SMAD2: variants seen among roughly 807,000 people sequenced by gnomAD.
The protein encoded by SMAD2 is SMAD family member 2, also known as MAD homolog 2.
SMAD2 carries 8 observed loss-of-function variants against 64.4 expected under a neutral mutation model. The ratio of observed to expected loss-of-function variants is 0.12; its 90% CI spans 0.07 to 0.22. SMAD2 has a LOEUF of 0.22. Ranked by LOEUF, SMAD2 falls within the 10% of genes least tolerant of loss-of-function variation. The pLI is 1.00. For missense variants in SMAD2, 289 were observed against 561.2 expected, an observed-to-expected ratio of 0.51 and a Z score of 4.90; for synonymous variants, 203 against 195.8, an observed-to-expected ratio of 1.04 and a Z score of -0.31.
chr18:47,845,441 A>C lies in SMAD2; in HGVS notation c.1179T>G (p.Leu393=). 1 of 1,613,800 alleles carries C rather than the reference A, an allele frequency of 6.2e-7. No homozygotes were observed. The highest frequency in any genetic ancestry group is 8.5e-7 in the Non-Finnish European group (1 of 1,179,690). ...AACCCTGATTAACAGACTGAGCCAG[A>C]AGAGCAGCAAATTCCTGGTTGTTGA... ...KIFNNQEFAA[L]LAQSVNQGFE... Residue 393 remains leucine (L), a synonymous_variant, in exon 10 of 11, where the codon CTT becomes CTG. Coordinates refer to ENST00000262160, the MANE Select transcript of SMAD2 (RefSeq NM_005901.6).
intron 1 of SMAD2, among the ~76,000 whole-genome samples, chr18:47,897,282 A>G (rs998074538): frequency 6.6e-6 from 1 of 152,256 alleles, no homozygotes; most frequent in African/African-American, 2.4e-5. Flanking sequence ...GAAAATGCGT[A>G]AAGTGTGAAG....
Position 47,837,038 on chromosome 18 carries a change from C to T in SMAD2, c.*4789G>A, listed in dbSNP as rs184005304. On this transcript the variant is annotated 3_prime_UTR_variant, in exon 11 of 11. Coordinates refer to ENST00000262160, the MANE Select transcript of SMAD2 (RefSeq NM_005901.6). The stretch of plus-strand genomic sequence containing the variant: ...TGGAAATCTGGTATCGTAGGGAAAA[C>T]ATTGGCTGCAACTGTCAGAAAAGTT... 4.8e-5 allele frequency: 10 copies of T among 210,060 alleles called. No homozygotes were observed. The highest frequency in any genetic ancestry group is 8.7e-5 in the Non-Finnish European group (9 of 103,242). 13.0% of individuals were successfully genotyped at this position (210,060 alleles called of 1,614,324 possible).
At chr18:47,852,157 CTGAT>C (rs1429105579) in intron 6 of SMAD2, among the ~76,000 whole-genome samples, 5 of 152,112 alleles carry the variant, frequency 3.3e-5, no homozygotes, top group Admixed American at 6.5e-5. Context: ...CATTTTCTTA[CTGAT>C]TGTTTGAAAG....
At chr18:47,857,263 A>G (rs1211022393) in intron 6 of SMAD2, among the ~76,000 whole-genome samples, 2 of 152,338 alleles carry the variant, frequency 1.3e-5, no homozygotes, top group Admixed American at 1.3e-4. Context: ...TCCCTGCCAA[A>G]GTGATACAAC....
intron 2 of SMAD2, among the ~76,000 whole-genome samples, chr18:47,896,305 A>G (rs1488546127): frequency 6.6e-6 from 1 of 152,260 alleles, no homozygotes; most frequent in African/African-American, 2.4e-5. Context: ...TGAAGATAAT[A>G]AATCTAAGTA....
At chr18:47,877,374 T>C (rs2032326093) in intron 2 of SMAD2, among the ~76,000 whole-genome samples, 1 of 152,132 alleles carries the variant, frequency 6.6e-6, no homozygotes. Context: ...TCCATAATTA[T>C]TTCTACTTAA....
intron 1 of SMAD2, among the ~76,000 whole-genome samples, chr18:47,900,574 C>A (rs1031838575): frequency 6.6e-6 from 1 of 152,066 alleles, no homozygotes; most frequent in Non-Finnish European, 1.5e-5. Context: ...TTTTTCTTAG[C>A]TTTGTCAATT....
At chr18:47,906,185 A>C (rs1466016591) in intron 1 of SMAD2, among the ~76,000 whole-genome samples, 2 of 152,152 alleles carry the variant, frequency 1.3e-5, no homozygotes, top group African/African-American at 4.8e-5. Context: ...CGAAAACTGA[A>C]ATCTAAAATG....
At chr18:47,845,578 A>T (rs2144289170) in intron 9 of SMAD2, 85 bp downstream of exon 9, 7 of 1,567,730 alleles carry the variant, frequency 4.5e-6, no homozygotes, top group Non-Finnish European at 6.2e-6. Context: ...ATGAGCATGC[A>T]ATCATCTACT....
chr18:47,902,144 T>C (rs1351483435), intron 1 of SMAD2, among the ~76,000 whole-genome samples: 2 of 152,156 alleles, frequency 1.3e-5, no homozygotes, highest in Admixed American at 6.5e-5. Flanking sequence ...ATTTCCAATC[T>C]GCCACTCAGG....
At chr18:47,870,748 A>C (rs1346340442) in intron 2 of SMAD2, among the ~76,000 whole-genome samples, 184 bp from the exon 3 acceptor site, 1 of 152,202 alleles carries the variant, frequency 6.6e-6, no homozygotes, top group Non-Finnish European at 1.5e-5. Flanking sequence ...GGAAGCCAAT[A>C]AAATGGAACA....
rs181608199 is a variant in SMAD2 at position 47,909,242 on chromosome 18, A to G, written c.-53-12433T>C. 2.4e-4 allele frequency among the ~76,000 whole-genome samples: 37 copies of G among 152,350 alleles called. No homozygotes were observed. The East Asian group carries it at 6.2e-3, about 25-fold the overall frequency. Reference sequence around the variant, plus strand: ...TACCTATAGACTATTACATGGTTTGAGAAAAAGCGGAGTCATTATATGACA... The same window carrying G: ...TACCTATAGACTATTACATGGTTTGGGAAAAAGCGGAGTCATTATATGACA... On this transcript the variant is annotated intron_variant, in intron 1 of 10. Coordinates refer to ENST00000262160, the MANE Select transcript of SMAD2 (RefSeq NM_005901.6).
rs1003180730 is a variant in SMAD2 at position 47,809,423 on chromosome 18, A to T, written c.*32404T>A. On this transcript the variant is annotated 3_prime_UTR_variant, in exon 11 of 11. Coordinates refer to ENST00000262160, the MANE Select transcript of SMAD2 (RefSeq NM_005901.6). ...CTGGAACCAGGTAGAGATAAGGATA[A>T]CCTGTGGGGGAATTGTGAAGTAGAC... is the stretch of plus-strand genomic sequence containing the variant. The T allele has an allele frequency of 5.9e-5, 9 of 152,336 alleles. No homozygotes were observed. The highest frequency in any genetic ancestry group is 2.2e-4 in the African/African-American group (9 of 41,450). The allele number at this position is 152,336 out of a possible 1,614,324, so 9.4% of individuals were successfully genotyped here. A position where few individuals can be genotyped will look rare whatever the true frequency, so the allele number is the denominator to read the frequency against.
intron 1 of SMAD2, among the ~76,000 whole-genome samples, chr18:47,905,214 C>T (rs771834669): frequency 6.6e-5 from 10 of 152,086 alleles, no homozygotes; most frequent in Non-Finnish European, 1.0e-4. Context: ...AAGAAATACG[C>T]TTGAAACAAC....
At chr18:47,877,837 T>C (rs1000068382) in intron 2 of SMAD2, among the ~76,000 whole-genome samples, 1 of 152,110 alleles carries the variant, frequency 6.6e-6, no homozygotes, top group African/African-American at 2.4e-5. Context: ...ATTGAAAATA[T>C]AAAAGAAATA....
chr18:47,841,082 G>T lies in SMAD2; in HGVS notation c.*745C>A, dbSNP rs1913900972. The T allele has an allele frequency of 8.7e-6, 2 of 230,622 alleles. No individual in the cohort carries two copies. The highest frequency in any genetic ancestry group is 3.7e-4 in the South Asian group (2 of 5,468). 14.3% of individuals were successfully genotyped at this position (230,622 alleles called of 1,614,324 possible). ...GTTTTGATTATGAGGACAAAAATGG[G>T]AATGGAAAAAAGAGGCTTGGAAAGG... On this transcript the variant is annotated 3_prime_UTR_variant, in exon 11 of 11. Coordinates refer to ENST00000262160, the MANE Select transcript of SMAD2 (RefSeq NM_005901.6).
In SMAD2 at chr18:47,828,214, G is replaced by A. The variant is rs572424099; in HGVS notation, c.*13613C>T. 89 of 155,380 alleles carry A rather than the reference G, an allele frequency of 5.7e-4. No homozygotes were observed. Among genetic ancestry groups the A allele is most frequent in the Middle Eastern group, 6.7e-3 (2 of 298 alleles). The allele number at this position is 155,380 out of a possible 1,614,324, so 9.6% of individuals were successfully genotyped here. A position where few individuals can be genotyped will look rare whatever the true frequency, so the allele number is the denominator to read the frequency against. ...AGCGTCTCCGCCCAGCAGCCGCCCCGTCTGGGAGGGAGGTGGGGGGCAGCC... is the reference window on the plus strand; with the variant it reads ...AGCGTCTCCGCCCAGCAGCCGCCCCATCTGGGAGGGAGGTGGGGGGCAGCC... On this transcript the variant is annotated 3_prime_UTR_variant, in exon 11 of 11. Transcript: ENST00000262160.
At chr18:47,895,663 CA>C (rs1437173913) in intron 2 of SMAD2, 2 of 152,158 alleles carry the variant, frequency 1.3e-5, no homozygotes, top group African/African-American at 4.8e-5. Flanking sequence ...GTCTACCAAA[CA>C]AGGCAAGAAA....
rs1912661873 is a variant in SMAD2, at chr18:47,823,982, C to T, written c.*17845G>A. The T allele has an allele frequency of 6.6e-6, 1 of 152,160 alleles. No individual in the cohort carries two copies. The highest frequency in any genetic ancestry group is 2.1e-4 in the South Asian group (1 of 4,818). The allele number at this position is 152,160 out of a possible 1,614,324, so 9.4% of individuals were successfully genotyped here. A position where few individuals can be genotyped will look rare whatever the true frequency, so the allele number is the denominator to read the frequency against. On this transcript the variant is annotated 3_prime_UTR_variant, in exon 11 of 11. Transcript: ENST00000262160. The stretch of plus-strand genomic sequence containing the variant: ...ACTCCAGGTGGACTTAGCCTAAGTG[C>T]CACTCCCTTAAAGCCTCCCTGCCCT...
Sources: allele counts gnomAD v4.1 joint callset (sites outside exome capture counted in the v4.1 genomes callset), GRCh38; gene constraint gnomAD v4.1.1; transcripts MANE v1.5; gene names NCBI Gene and HGNC (gene_info 2026-07-23, HGNC 2026-07-21).